Variants in ROBO2 observed in about 807,000 individuals in gnomAD.
ROBO2 encodes roundabout homolog 2.
In ROBO2, 53 loss-of-function variants were observed where a neutral mutation model predicts 160.8. That is an observed-to-expected ratio of 0.33 (90% CI 0.26 to 0.41). The LOEUF (loss-of-function observed/expected upper bound fraction) is 0.41. Among genes scored for constraint, ROBO2 ranks in the 10% least tolerant of loss-of-function variants. The probability of loss-of-function intolerance (pLI) is 1.00; values close to 1 mark genes in which losing one functional copy is unlikely to be tolerated. For synonymous variants in ROBO2, 664 were observed against 611.7 expected, an observed-to-expected ratio of 1.09 and a Z score of -1.26; for missense variants, 1,577 against 1,722.4, an observed-to-expected ratio of 0.92 and a Z score of 1.49.
At chr3:76,537,431 A>G (rs190218973) in intron 2 of ROBO2, among the ~76,000 whole-genome samples, 2 of 152,198 alleles carry the variant, frequency 1.3e-5, no homozygotes, top group East Asian at 3.9e-4. Flanking sequence ...TGTTAGTTGA[A>G]GAGGTTTAAA....
intron 2 of ROBO2, among the ~76,000 whole-genome samples, chr3:77,112,585 A>C (rs928236821): frequency 9.2e-5 from 14 of 152,122 alleles, no homozygotes; most frequent in Admixed American, 5.9e-4. Context: ...AAGAAGGAAA[A>C]GCTAAAGGAA....
intron 2 of ROBO2, among the ~76,000 whole-genome samples, chr3:77,419,055 G>A (rs945778251): frequency 6.6e-6 from 1 of 152,144 alleles, no homozygotes; most frequent in African/African-American, 2.4e-5. Context: ...TGGAGACTCT[G>A]AGGGAGTAAC....
rs367595762 is a variant in ROBO2, at chr3:76,219,281, T to C, written c.109+281679T>C. ...TAGGCATGGGCAAGGACTTCATGTC[T>C]AAAACACCAAAAGCAATGGCAACAG... On this transcript the variant is annotated intron_variant, in intron 2 of 26. Coordinates refer to the ROBO2 transcript ENST00000487694. 6.0e-4 allele frequency among the ~76,000 whole-genome samples: 92 copies of C among 152,274 alleles called. No individual in the cohort carries two copies. In the Middle Eastern group the frequency reaches 0.02, roughly 34 times the overall value.
At chr3:76,273,882 A>G (rs1707759556) in intron 2 of ROBO2, among the ~76,000 whole-genome samples, 1 of 152,156 alleles carries the variant, frequency 6.6e-6, no homozygotes, top group South Asian at 2.1e-4. Flanking sequence ...TTAATTTCTC[A>G]TAGCTCTGGA....
chr3:76,656,841 A>C lies in ROBO2; in HGVS notation c.110-441173A>C, dbSNP rs2091548125. ...AACCCCTTTTTACTTCATCATTTTA[A>C]CCAATTGCTTGATTCTCATTTTATG... On this transcript the variant is annotated intron_variant, in intron 2 of 26. Coordinates refer to the ROBO2 transcript ENST00000487694. Among the ~76,000 whole-genome samples the C allele has an allele frequency of 2.0e-5, 3 of 152,096 alleles. No homozygotes were observed. In the South Asian group the frequency reaches 6.2e-4, roughly 32 times the overall value.
chr3:76,972,153 C>T lies in ROBO2; in HGVS notation c.110-125861C>T, dbSNP rs533507595. ...AAAGGAAATTGTAGGAACTCTCTTT[C>T]TTACTCAGTGAGCTGTAAAACAAAA... On this transcript the variant is annotated intron_variant, in intron 2 of 26. Transcript: ENST00000487694. Among the ~76,000 whole-genome samples the T allele has an allele frequency of 1.1e-4, 16 of 152,176 alleles. No homozygotes were observed. The South Asian group carries it at 3.3e-3, about 32-fold the overall frequency.
At chr3:75,970,623 GTTACA>G (rs1330144685) in intron 2 of ROBO2, among the ~76,000 whole-genome samples, 3 of 151,546 alleles carry the variant, frequency 2.0e-5, no homozygotes, top group African/African-American at 4.8e-5. Context: ...TTGAGTTTAT[GTTACA>G]TTACAAGACT....
At chr3:76,760,667 A>C (rs2061255242) in intron 2 of ROBO2, among the ~76,000 whole-genome samples, 1 of 151,424 alleles carries the variant, frequency 6.6e-6, no homozygotes, top group Non-Finnish European at 1.5e-5. Flanking sequence ...CATACGTTGC[A>C]GGGGCTGGGG....
intron 2 of ROBO2, among the ~76,000 whole-genome samples, chr3:77,383,203 T>C (rs1414568132): frequency 6.6e-6 from 1 of 152,136 alleles, no homozygotes; most frequent in African/African-American, 2.4e-5. Context: ...ATTAGCATGT[T>C]TCCTTAGACA....
chr3:76,812,672 T>C (rs1488319716), intron 2 of ROBO2, among the ~76,000 whole-genome samples: 1 of 152,002 alleles, frequency 6.6e-6, no homozygotes, highest in Admixed American at 6.6e-5. Flanking sequence ...ATATTAGTTC[T>C]CAAATAAAAA....
intron 2 of ROBO2, among the ~76,000 whole-genome samples, chr3:76,652,028 A>T (rs2091279659): frequency 6.6e-6 from 1 of 152,222 alleles, no homozygotes; most frequent in Non-Finnish European, 1.5e-5. Context: ...ACAGACCAGC[A>T]GCAAGAAAAT....
intron 2 of ROBO2, among the ~76,000 whole-genome samples, chr3:75,966,801 C>G (rs1949132680): frequency 2.0e-5 from 3 of 151,716 alleles, no homozygotes; most frequent in Admixed American, 2.0e-4. Flanking sequence ...TTTACAATCA[C>G]TATTCCACTC....
intron 2 of ROBO2, among the ~76,000 whole-genome samples, chr3:76,608,974 C>G (rs2087869967): frequency 6.6e-6 from 1 of 152,162 alleles, no homozygotes; most frequent in Non-Finnish European, 1.5e-5. Flanking sequence ...TTATGACTTG[C>G]ATTCTTATAG....
chr3:76,536,720 T>G (rs1453821153), intron 2 of ROBO2, among the ~76,000 whole-genome samples: 1 of 152,084 alleles, frequency 6.6e-6, no homozygotes, highest in African/African-American at 2.4e-5. Flanking sequence ...AACAACTCTT[T>G]CCCGCTCATC....
intron 2 of ROBO2, among the ~76,000 whole-genome samples, chr3:77,112,960 C>T (rs1422646686): frequency 6.6e-6 from 1 of 152,222 alleles, no homozygotes; most frequent in African/African-American, 2.4e-5. Context: ...CAAGACAGTT[C>T]TGATGCCCTT....
intron 2 of ROBO2, among the ~76,000 whole-genome samples, chr3:76,537,880 C>T (rs566813216): frequency 6.6e-6 from 1 of 152,032 alleles, no homozygotes; most frequent in South Asian, 2.1e-4. Flanking sequence ...GGGAGGGGGT[C>T]ACAAGGTGCA....
At chr3:76,897,341 G>T (rs1351838979) in intron 2 of ROBO2, among the ~76,000 whole-genome samples, 2 of 152,050 alleles carry the variant, frequency 1.3e-5, no homozygotes, top group Non-Finnish European at 2.9e-5. Flanking sequence ...TAAAACTTTG[G>T]AGCACCCCCA....
chr3:76,606,294 G>C (rs555952874), intron 2 of ROBO2, among the ~76,000 whole-genome samples: 95 of 152,262 alleles, frequency 6.2e-4, no homozygotes, highest in African/African-American at 2.2e-3. Context: ...AATCCAAACA[G>C]TGAACACACT....
At chr3:77,355,994 A>G (rs2069067600) in intron 2 of ROBO2, among the ~76,000 whole-genome samples, 3 of 152,120 alleles carry the variant, frequency 2.0e-5, no homozygotes. Flanking sequence ...ATATACATAT[A>G]AAAATATGCT....
Sources: allele counts gnomAD v4.1 joint callset (sites outside exome capture counted in the v4.1 genomes callset), GRCh38; gene constraint gnomAD v4.1.1; transcripts MANE v1.5; gene names NCBI Gene and HGNC (gene_info 2026-07-23, HGNC 2026-07-21).